The following PLEKHA5 variants were observed in gnomAD, a reference collection of about 807,000 sequenced individuals.
PLEKHA5 encodes the protein pleckstrin homology domain-containing family A member 5.
A neutral mutation model predicts 181.9 loss-of-function variants in PLEKHA5; 55 were observed. That is an observed-to-expected ratio of 0.30 (90% CI 0.24 to 0.38). The LOEUF is 0.38. Ranked by LOEUF, PLEKHA5 falls within the 10% of genes least tolerant of loss-of-function variation. The pLI is 1.00. For missense variants in PLEKHA5, 1,432 were observed against 1,549.5 expected (o/e 0.92, Z 1.27); for synonymous variants, 535 against 529.4 (o/e 1.01, Z -0.15).
intron 26 of PLEKHA5, among the ~76,000 whole-genome samples, chr12:19,356,176 A>C (rs2094917171): frequency 6.6e-6 from 1 of 151,586 alleles, no homozygotes; most frequent in African/African-American, 2.4e-5. Context: ...AAAAAAAACA[A>C]AAAAAAACAA....
chr12:19,167,998 A>G (rs1385046961), intron 3 of PLEKHA5, among the ~76,000 whole-genome samples: 1 of 152,150 alleles, frequency 6.6e-6, no homozygotes, highest in Non-Finnish European at 1.5e-5. Flanking sequence ...CTAGTCTGAA[A>G]GTATGATATG....
intron 3 of PLEKHA5, among the ~76,000 whole-genome samples, chr12:19,230,540 C>T (rs376635221): frequency 1.2e-4 from 18 of 152,276 alleles, no homozygotes; most frequent in African/African-American, 3.1e-4. Context: ...AATTTGAGCA[C>T]GGTGCGGGTA....
At chr12:19,310,971 TA>T (rs1422415320) in intron 15 of PLEKHA5, among the ~76,000 whole-genome samples, 2 of 152,196 alleles carry the variant, frequency 1.3e-5, no homozygotes, top group Non-Finnish European at 2.9e-5. Context: ...TGATGCTTGC[TA>T]ACTGATCAGG....
chr12:19,300,190 C>T (rs1264317555), intron 15 of PLEKHA5, among the ~76,000 whole-genome samples: 1 of 152,202 alleles, frequency 6.6e-6, no homozygotes, highest in African/African-American at 2.4e-5. Context: ...AAATCATAAG[C>T]TAGAGTGAAA....
At chr12:19,327,075 T>C (rs2092232258) in intron 20 of PLEKHA5, among the ~76,000 whole-genome samples, 1 of 152,194 alleles carries the variant, frequency 6.6e-6, no homozygotes, top group Non-Finnish European at 1.5e-5. Context: ...CTTTTGGATA[T>C]ACTTTTGGAT....
intron 31 of PLEKHA5, among the ~76,000 whole-genome samples, chr12:19,374,621 TGCACTCCAGCCTG>T (rs2095667810): frequency 1.8e-5 from 1 of 55,524 alleles, no homozygotes; most frequent in Non-Finnish European, 3.3e-5. Flanking sequence ...ATTGCGCCAC[TGCACTCCAGCCTG>T]GGCGACAGAG....
At position 19,286,968 on chromosome 12, in the gene PLEKHA5, AAAC is replaced by A. The variant is rs1408661289; in HGVS notation, c.1780-502_1780-500del. Reference sequence around the variant, plus strand: ...CAACAGAGTGAGACTCTGCTTCAAAAAACAAAAAAAAAAAGAATTACTCTGCTC... The same window carrying A: ...CAACAGAGTGAGACTCTGCTTCAAAAAAAAAAAAAAAGAATTACTCTGCTC... On this transcript the variant is annotated intron_variant, in intron 12 of 31. Transcript: ENST00000429027. Among the ~76,000 whole-genome samples, 13 of 150,458 alleles carry A rather than the reference AAAC, an allele frequency of 8.6e-5. 2 individuals carry two copies. Among genetic ancestry groups the A allele is most frequent in the Admixed American group, 2.6e-4 (4 of 15,098 alleles).
At chr12:19,138,685 G>A (rs1317107449) in intron 3 of PLEKHA5, among the ~76,000 whole-genome samples, 1 of 152,110 alleles carries the variant, frequency 6.6e-6, no homozygotes, top group Non-Finnish European at 1.5e-5. Flanking sequence ...GTTGAGCTAG[G>A]CCTGAGGGTA....
At chr12:19,340,326 G>T (rs905373686) in intron 21 of PLEKHA5, among the ~76,000 whole-genome samples, 1 of 151,408 alleles carries the variant, frequency 6.6e-6, no homozygotes, top group Admixed American at 6.6e-5. Context: ...GAAGAGAGGA[G>T]CCCCTCTGCC....
chr12:19,299,202 G>T (rs1647186751), intron 15 of PLEKHA5, among the ~76,000 whole-genome samples: 2 of 152,166 alleles, frequency 1.3e-5, no homozygotes, highest in Admixed American at 1.3e-4. Flanking sequence ...ACATCAGCAT[G>T]TATTAAAGTT....
At chr12:19,255,325 A>G (rs1351307636) in intron 5 of PLEKHA5, among the ~76,000 whole-genome samples, 160 bp downstream of exon 5, 1 of 152,154 alleles carries the variant, frequency 6.6e-6, no homozygotes, top group Non-Finnish European at 1.5e-5. Flanking sequence ...AATACAAAGT[A>G]ATAAGATTGT....
chr12:19,152,156 G>T (rs1226173895), intron 3 of PLEKHA5: 1 of 151,894 alleles, frequency 6.6e-6, no homozygotes, highest in African/African-American at 2.4e-5. Context: ...GTGAGCCACC[G>T]CGCCCGGCCA....
intron 7 of PLEKHA5, among the ~76,000 whole-genome samples, chr12:19,265,338 C>T (rs894864458): frequency 6.6e-6 from 1 of 152,084 alleles, no homozygotes; most frequent in African/African-American, 2.4e-5. Flanking sequence ...ACAGAGAAAA[C>T]GTTAAATAAA....
At chr12:19,256,895 G>A (rs2067023206) in intron 5 of PLEKHA5, among the ~76,000 whole-genome samples, 1 of 152,092 alleles carries the variant, frequency 6.6e-6, no homozygotes, top group Non-Finnish European at 1.5e-5. Flanking sequence ...GTTCAGAGTT[G>A]TCCATAAAAA....
chr12:19,289,669 A>T (rs1322074364), intron 13 of PLEKHA5, among the ~76,000 whole-genome samples: 2 of 152,162 alleles, frequency 1.3e-5, no homozygotes, highest in African/African-American at 4.8e-5. Context: ...CACTGTTGAA[A>T]ATTTATTTTC....
In PLEKHA5 at chr12:19,304,103, A is replaced by T. The variant is rs567733964; in HGVS notation, c.2038-10711A>T. On this transcript the variant is annotated intron_variant, in intron 15 of 31. Coordinates refer to ENST00000429027, the MANE Select transcript of PLEKHA5 (RefSeq NM_001256470.2). The stretch of plus-strand genomic sequence containing the variant: ...GTACTATAGGCGTGAGCCACCGCGC[A>T]TGGCCGAGACCCCATCTCTTAAGAA... 2.7e-5 allele frequency among the ~76,000 whole-genome samples: 4 copies of T among 146,702 alleles called. No individual in the cohort carries two copies. In the South Asian group the frequency reaches 7.3e-4, roughly 27 times the overall value.
At chr12:19,265,957 TA>T (rs1029377178) in intron 8 of PLEKHA5, 107 bp downstream of exon 8, 24 of 519,820 alleles carry the variant, frequency 4.6e-5, no homozygotes, top group Non-Finnish European at 8.2e-5. Context: ...GTGATTTTTA[TA>T]TTTAAAATAT....
At chr12:19,196,794 GTTTTTTCTTT>G (rs2052869325) in intron 3 of PLEKHA5, among the ~76,000 whole-genome samples, 2 of 123,328 alleles carry the variant, frequency 1.6e-5, no homozygotes, top group Admixed American at 1.8e-4. Context: ...TTTTTAACTT[GTTTTTTCTTT>G]TTTTTTTCTT....
chr12:19,142,352 G>C (rs1003372612), intron 3 of PLEKHA5, among the ~76,000 whole-genome samples: 1 of 152,148 alleles, frequency 6.6e-6, no homozygotes, highest in Non-Finnish European at 1.5e-5. Context: ...CTGGGCAACT[G>C]AGCGAGACCC....
Sources: gnomAD v4.1 joint callset for allele counts (sites outside exome capture counted in the v4.1 genomes callset) on GRCh38, gnomAD v4.1.1 for gene constraint, MANE v1.5 for transcripts, NCBI Gene and HGNC (gene_info 2026-07-23, HGNC 2026-07-21) for gene names.